Variants in NALF1 observed in about 807,000 individuals in gnomAD.
NALF1 encodes the protein family with sequence similarity 155 member A.
A neutral mutation model predicts 48.4 loss-of-function variants in NALF1; 3 were observed. The ratio of observed to expected loss-of-function variants is 0.06; its 90% CI spans 0.03 to 0.16. NALF1 has a LOEUF of 0.16. Among genes scored for constraint, NALF1 ranks in the 10% least tolerant of loss-of-function variants. The pLI, the probability that NALF1 is intolerant of heterozygous loss-of-function variation, is 1.00. For missense variants in NALF1, 526 were observed against 571.5 expected, an observed-to-expected ratio of 0.92 and a Z score of 0.81; for synonymous variants, 262 against 245.7, an observed-to-expected ratio of 1.07 and a Z score of -0.62.
At chr13:107,625,065 T>C (rs9520523) in intron 1 of NALF1, among the ~76,000 whole-genome samples, 37,191 of 152,072 alleles carry the variant, frequency 0.24, 5,145 homozygotes, top group East Asian at 0.48. Context: ...TGGCCCCTAA[T>C]TGGGCTGAGG....
At position 107,362,869 on chromosome 13, in the gene NALF1, T is replaced by C. The variant is rs977753440; in HGVS notation, c.916-152114A>G. Among the ~76,000 whole-genome samples, 1 of 152,102 alleles carries C rather than the reference T, an allele frequency of 6.6e-6. No individual in the cohort carries two copies. Among genetic ancestry groups the C allele is most frequent in the South Asian group, 2.1e-4 (1 of 4,814 alleles). On this transcript the variant is annotated intron_variant, in intron 1 of 2. Transcript: ENST00000375915. The surrounding 1 kb of genome is among the most constrained non-coding windows in gnomAD (Gnocchi z 4.6). ...GGCAGGTCTAAAGTAAGTGGAGGGA[T>C]TGGGTTATCTATACATACCTTTAGG...
intron 1 of NALF1, among the ~76,000 whole-genome samples, chr13:107,486,699 T>C (rs1885335072): frequency 6.6e-6 from 1 of 152,192 alleles, no homozygotes; most frequent in Non-Finnish European, 1.5e-5. Context: ...TTACATCTTC[T>C]TTCCAATCTC....
chr13:107,820,706 C>T (rs1879338029), intron 1 of NALF1, among the ~76,000 whole-genome samples: 1 of 152,096 alleles, frequency 6.6e-6, no homozygotes, highest in South Asian at 2.1e-4. Flanking sequence ...TACATGTTTC[C>T]CAGTCCTCAC....
intron 1 of NALF1, among the ~76,000 whole-genome samples, chr13:107,639,325 G>A (rs190384853): frequency 6.7e-4 from 102 of 151,956 alleles, no homozygotes; most frequent in African/African-American, 2.1e-3. Flanking sequence ...TTTTTCAAAC[G>A]CATCTCTCAA....
chr13:107,197,534 A>C (rs541285841), intron 2 of NALF1, among the ~76,000 whole-genome samples: 1 of 152,176 alleles, frequency 6.6e-6, no homozygotes, highest in Non-Finnish European at 1.5e-5. Context: ...AATATGACCA[A>C]GAAAGTCCCT....
intron 2 of NALF1, among the ~76,000 whole-genome samples, chr13:107,190,310 A>G (rs1879255351): frequency 6.6e-6 from 1 of 152,170 alleles, no homozygotes; most frequent in African/African-American, 2.4e-5. Flanking sequence ...TTTCTTTGTA[A>G]AAAGAAAACC....
chr13:107,678,247 G>A (rs1000267830), intron 1 of NALF1, among the ~76,000 whole-genome samples: 1 of 152,148 alleles, frequency 6.6e-6, no homozygotes, highest in Non-Finnish European at 1.5e-5. Flanking sequence ...TGGTGAACGG[G>A]AGGGATGAAC....
At chr13:107,290,100 T>TTA (rs2138881635) in intron 1 of NALF1, among the ~76,000 whole-genome samples, 1 of 151,960 alleles carries the variant, frequency 6.6e-6, no homozygotes, top group African/African-American at 2.4e-5. Flanking sequence ...ATTCCCTTTG[T>TTA]TAAGCTTTTG....
chr13:107,189,099 A>T (rs1320654685), intron 2 of NALF1, among the ~76,000 whole-genome samples: 3 of 152,216 alleles, frequency 2.0e-5, no homozygotes, highest in Non-Finnish European at 4.4e-5. Context: ...TTAAACAGAG[A>T]ATTTACTCAT....
chr13:107,276,134 T>G (rs138669628), intron 1 of NALF1, among the ~76,000 whole-genome samples: 9 of 152,282 alleles, frequency 5.9e-5, no homozygotes, highest in Non-Finnish European at 1.3e-4. Context: ...CATATTCTAT[T>G]CATTAGAAAT....
At chr13:107,834,628 A>C (rs1258427206) in intron 1 of NALF1, among the ~76,000 whole-genome samples, 1 of 152,214 alleles carries the variant, frequency 6.6e-6, no homozygotes, top group African/African-American at 2.4e-5. Context: ...GCCTGGAGAA[A>C]AATTTACTGT....
intron 1 of NALF1, among the ~76,000 whole-genome samples, chr13:107,708,785 T>C (rs1453187172): frequency 6.6e-6 from 1 of 152,168 alleles, no homozygotes; most frequent in Non-Finnish European, 1.5e-5. Context: ...GTTTGTTACA[T>C]AGGTAAACGT....
At chr13:107,451,405 T>C (rs920548605) in intron 1 of NALF1, among the ~76,000 whole-genome samples, 1 of 152,164 alleles carries the variant, frequency 6.6e-6, no homozygotes, top group Non-Finnish European at 1.5e-5. Context: ...TAATAAAACA[T>C]TGTGTCCTGG....
intron 1 of NALF1, among the ~76,000 whole-genome samples, chr13:107,220,643 A>G (rs1000764569): frequency 2.0e-5 from 3 of 152,178 alleles, no homozygotes; most frequent in Middle Eastern, 3.2e-3. Context: ...AAATTTCATC[A>G]TAAGACATTT....
intron 1 of NALF1, among the ~76,000 whole-genome samples, chr13:107,585,333 A>C (rs538897275): frequency 6.6e-6 from 1 of 152,134 alleles, no homozygotes; most frequent in East Asian, 1.9e-4. Context: ...AAGAAAAAAA[A>C]TACTCGGTAA....
intron 1 of NALF1, among the ~76,000 whole-genome samples, chr13:107,481,719 G>A (rs1371170447): frequency 5.3e-5 from 8 of 152,102 alleles, no homozygotes; most frequent in African/African-American, 1.9e-4. Flanking sequence ...AGGGCTTCAA[G>A]GGTGAAGTGG....
chr13:107,622,444 A>G (rs1345817966), intron 1 of NALF1, among the ~76,000 whole-genome samples: 1 of 118,696 alleles, frequency 8.4e-6, no homozygotes, highest in East Asian at 4.4e-4. Context: ...TGTCTCAAAA[A>G]AACAAACAAA....
intron 1 of NALF1, among the ~76,000 whole-genome samples, chr13:107,848,557 T>C (rs1314155301): frequency 6.6e-6 from 1 of 152,208 alleles, no homozygotes; most frequent in Non-Finnish European, 1.5e-5. Context: ...CTAATTTCCT[T>C]GTTACTTGCC....
At chr13:107,712,577 G>A (rs1045866867) in intron 1 of NALF1, among the ~76,000 whole-genome samples, 2 of 152,170 alleles carry the variant, frequency 1.3e-5, no homozygotes, top group Non-Finnish European at 2.9e-5. Flanking sequence ...ATGGGGTCAC[G>A]CAGATGCAGA....
Sources: allele counts gnomAD v4.1 joint callset (sites outside exome capture counted in the v4.1 genomes callset), GRCh38; gene constraint gnomAD v4.1.1; non-coding constraint Gnocchi (gnomAD v3.1); transcripts MANE v1.5; gene names NCBI Gene and HGNC (gene_info 2026-07-23, HGNC 2026-07-21).